Variants in LIG3 observed in about 807,000 individuals in gnomAD.
The protein encoded by LIG3 is DNA ligase 3, also known as ligase II, DNA, ATP-dependent.
Under a neutral mutation model 110.9 loss-of-function variants are expected in LIG3, and 58 were observed. The observed-to-expected ratio is 0.52, with a 90% CI of 0.42 to 0.65. LIG3 has a LOEUF of 0.65. Ranked by LOEUF, LIG3 falls within the 30% of genes least tolerant of loss-of-function variation. The probability of loss-of-function intolerance (pLI) is 0.00; values close to 1 mark genes in which losing one functional copy is unlikely to be tolerated. For missense variants in LIG3, 1,094 were observed against 1,273.8 expected (o/e 0.86, Z 2.15); for synonymous variants, 422 against 472.8 (o/e 0.89, Z 1.39).
chr17:35,004,408 G>T lies in LIG3; in HGVS notation c.2932G>T (p.Val978Leu), dbSNP rs755498333. 1.5e-5 allele frequency: 25 copies of T among 1,614,094 alleles called. No homozygotes were observed. Among genetic ancestry groups the T allele is most frequent in the Non-Finnish European group, 2.0e-5 (24 of 1,180,050 alleles). The change falls in exon 20 of 20, where the codon GTG becomes TTG. Residue 978 changes from valine (V) to leucine (L), a missense_variant. Transcript: ENST00000378526. ...QEFDMTSATH[V>L]LGSRDKNPAA... ...ATTTGATATGACTTCAGCCACGCAC[G>T]TGCTGGGTAGCAGGGACAAGAACCC...
chr17:34,997,237 C>T (rs1477644555), intron 11 of LIG3: 1 of 170,420 alleles, frequency 5.9e-6, no homozygotes, highest in Non-Finnish European at 1.3e-5. Flanking sequence ...AGAAATGTAT[C>T]TCTACCCCTG....
At chr17:34,990,326 C>G (rs2090705176) in intron 4 of LIG3, among the ~76,000 whole-genome samples, 1 of 152,242 alleles carries the variant, frequency 6.6e-6, no homozygotes, top group South Asian at 2.1e-4. Flanking sequence ...GTTGCCCAGG[C>G]TGGAGCGCAT....
rs1194666569 is a variant in LIG3, at chr17:35,005,652, C to T, written c.*1146C>T. The T allele has an allele frequency of 1.8e-6, 1 of 569,298 alleles. No individual in the cohort carries two copies. Among genetic ancestry groups the T allele is most frequent in the Non-Finnish European group, 3.5e-6 (1 of 282,182 alleles). 35.3% of individuals were successfully genotyped at this position (569,298 alleles called of 1,614,324 possible). On this transcript the variant is annotated 3_prime_UTR_variant, in exon 20 of 20. Transcript: ENST00000378526. ...CAAAACTCAATCGATTTTTTTTCTTCTATTCATTGGATTCGTCTGTGTCCT... is the reference window on the plus strand; with the variant it reads ...CAAAACTCAATCGATTTTTTTTCTTTTATTCATTGGATTCGTCTGTGTCCT...
At chr17:34,987,998 TCC>T (rs1459534948) in intron 3 of LIG3, among the ~76,000 whole-genome samples, 1 of 151,454 alleles carries the variant, frequency 6.6e-6, no homozygotes, top group Non-Finnish European at 1.5e-5. Flanking sequence ...ATCGAGACCA[TCC>T]TGGCTAACAC....
rs1462568428 is a variant in LIG3, at chr17:34,998,817, A to G, written c.2113+90A>G. The stretch of plus-strand genomic sequence containing the variant: ...GGCCTTGTTACTGGCTTGATCTGCC[A>G]GCATGGCCAGTTATGACTTCCGAAG... On this transcript the variant is annotated intron_variant, in intron 14 of 19. Transcript: ENST00000378526. The G allele has an allele frequency of 2.0e-6, 3 of 1,477,348 alleles. No individual in the cohort carries two copies. The African/African-American group carries it at 4.2e-5, about 21-fold the overall frequency. 91.5% of individuals were successfully genotyped at this position (1,477,348 alleles called of 1,614,324 possible).
Position 34,983,559 on chromosome 17 carries a change from T to G in LIG3, c.547+7T>G, listed in dbSNP as rs750964359. 1 of 1,606,822 alleles carries G rather than the reference T, an allele frequency of 6.2e-7. No homozygotes were observed. On this transcript the variant is annotated splice_region_variant and intron_variant, in intron 2 of 19. Coordinates refer to ENST00000378526, the MANE Select transcript of LIG3 (RefSeq NM_013975.4). ...ATAACCCAGCACATTGCAGGTAAGG[T>G]AGAGAACACTGCTTTCTCATCTTAC... is the stretch of plus-strand genomic sequence containing the variant.
At position 35,002,935 on chromosome 17, in the gene LIG3, C is replaced by T. The variant is rs534907921; in HGVS notation, c.2796+146C>T. 4 of 1,611,064 alleles carry T rather than the reference C, an allele frequency of 2.5e-6. No homozygotes were observed. In the South Asian group the frequency reaches 4.4e-5, roughly 18 times the overall value. On this transcript the variant is annotated intron_variant, in intron 19 of 19. Transcript: ENST00000378526. ...CTCTTCCCTGCCTGCAGCCACTCCT[C>T]TGTCGTGGGCAGGGTCAGCAATGCT...
In LIG3 at chr17:35,001,281, G is replaced by A. The variant is rs752791159; in HGVS notation, c.2356G>A (p.Gly786Arg). ...PKKAAVWEIT[G>R]AEFSKSEAHT... ...GAAAGCTGCCGTGTGGGAGATCACA[G>A]GGGCTGAATTCTCCAAATCGGAGGC... Residue 786 changes from glycine to arginine, a missense_variant, in exon 17 of 20, where the codon GGG becomes AGG. Coordinates refer to ENST00000378526, the MANE Select transcript of LIG3 (RefSeq NM_013975.4). The A allele has an allele frequency of 1.9e-6, 3 of 1,614,070 alleles. No individual in the cohort carries two copies. The highest frequency in any genetic ancestry group is 3.3e-5 in the Admixed American group (2 of 60,020).
At chr17:34,992,401 C>T in intron 7 of LIG3, 123 bp from the exon 8 acceptor site, 2 of 1,105,950 alleles carry the variant, frequency 1.8e-6, no homozygotes, top group Non-Finnish European at 2.6e-6. Context: ...AGTCTTTAGA[C>T]AATAGAACAC....
intron 19 of LIG3, 141 bp from the exon 20 acceptor site, chr17:35,004,132 A>C: frequency 1.6e-6 from 1 of 631,932 alleles, no homozygotes; most frequent in Non-Finnish European, 2.8e-6. Flanking sequence ...GGGTGGGGGT[A>C]TTGATGCATG....
chr17:34,994,012 G>A (rs2090752657), intron 8 of LIG3, among the ~76,000 whole-genome samples: 1 of 152,176 alleles, frequency 6.6e-6, no homozygotes, highest in South Asian at 2.1e-4. Context: ...GCTTTTACTT[G>A]TTGTACAATG....
Position 35,001,318 on chromosome 17 carries a change from A to T in LIG3, c.2393A>T (p.Asp798Val). Residue 798 changes from aspartate (D) to valine (V), a missense_variant, in exon 17 of 20, where the codon GAC becomes GTC. Transcript: ENST00000378526. ...EFSKSEAHTA[D>V]GISIRFPRCT... Reference sequence around the variant, plus strand: ...TCCAAATCGGAGGCTCATACAGCTGACGGGATCTCCATCCGATTCCCTCGC... The same window carrying T: ...TCCAAATCGGAGGCTCATACAGCTGTCGGGATCTCCATCCGATTCCCTCGC... 6.2e-7 allele frequency: 1 copy of T among 1,614,198 alleles called. No individual in the cohort carries two copies. Among genetic ancestry groups the T allele is most frequent in the Non-Finnish European group, 8.5e-7 (1 of 1,180,012 alleles).
At chr17:34,998,899 C>T (rs2090809827) in intron 14 of LIG3, 172 bp downstream of exon 14, 6 of 690,268 alleles carry the variant, frequency 8.7e-6, no homozygotes, top group Non-Finnish European at 1.4e-5. Context: ...GCTGCTTACT[C>T]GGTTAGGGAG....
chr17:35,003,231 C>T (rs2090863782), intron 19 of LIG3: 3 of 1,373,706 alleles, frequency 2.2e-6, no homozygotes, highest in Admixed American at 5.2e-5. Context: ...TGGTGACTCT[C>T]CTCCCACCTG....
chr17:35,001,767 A>AG, intron 17 of LIG3, 142 bp from the exon 18 acceptor site: 1 of 720,624 alleles, frequency 1.4e-6, no homozygotes, highest in Non-Finnish European at 2.3e-6. Flanking sequence ...AATGGTGCCA[A>AG]GGGAGCCAAC....
At chr17:34,996,704 A>C in intron 11 of LIG3, 51 bp downstream of exon 11, 1 of 1,471,486 alleles carries the variant, frequency 6.8e-7, no homozygotes, top group East Asian at 2.3e-5. Context: ...ATCTGTTTTC[A>C]TTTCCTGGGT....
intron 1 of LIG3, 67 bp downstream of exon 1, chr17:34,980,689 CGAGGAGCTCGGCGCGGCCGGGGA>C (rs2090574098): frequency 7.2e-5 from 67 of 934,398 alleles, no homozygotes; most frequent in Non-Finnish European, 7.6e-5. Flanking sequence ...GGGCCCGGGG[CGAGGAGCTCGGCGCGGCCGGGGA>C]GCCAGCCCCC....
At chr17:35,002,829 AGCCCAG>A in intron 19 of LIG3, 40 bp downstream of exon 19, 1 of 1,574,576 alleles carries the variant, frequency 6.4e-7, no homozygotes, top group Non-Finnish European at 8.6e-7. Context: ...GGGCCAGTTT[AGCCCAG>A]GTTGTGTTCC....
At chr17:34,989,823 G>A in intron 4 of LIG3, 160 bp downstream of exon 4, 1 of 675,140 alleles carries the variant, frequency 1.5e-6, no homozygotes, top group South Asian at 1.9e-5. Flanking sequence ...TGAACAAGGG[G>A]CCTCGCATTT....
Sources: gnomAD v4.1 joint callset for allele counts (sites outside exome capture counted in the v4.1 genomes callset) on GRCh38, gnomAD v4.1.1 for gene constraint, MANE v1.5 for transcripts, NCBI Gene and HGNC (gene_info 2026-07-23, HGNC 2026-07-21) for gene names.